Variants in ANXA8 observed in about 807,000 individuals in gnomAD.
ANXA8 encodes the protein VAC-beta.
A neutral mutation model predicts 26.8 loss-of-function variants in ANXA8; 9 were observed. The ratio of observed to expected loss-of-function variants is 0.34; its 90% CI spans 0.20 to 0.59. The LOEUF is 0.59. Among genes scored for constraint, ANXA8 ranks in the 20% least tolerant of loss-of-function variants. ANXA8 has a pLI of 0.84. For missense variants in ANXA8, 83 were observed against 238.5 expected (o/e 0.35, Z 4.29); for synonymous variants, 39 against 94.8 (o/e 0.41, Z 3.42).
chr10:47,980,580 T>C, the ANXA8 span, among the ~76,000 whole-genome samples: 2 of 151,274 alleles, frequency 1.3e-5, no homozygotes, highest in Admixed American at 6.6e-5. Flanking sequence ...AATTATTAAA[T>C]TATTAATGTA....
chr10:47,468,782 C>A lies in ANXA8; in HGVS notation c.*65G>T, dbSNP rs1286654904. 3,326 of 1,592,392 alleles carry A rather than the reference C, an allele frequency of 2.1e-3. 77 individuals carry two copies. In the East Asian group the frequency reaches 0.052, roughly 25 times the overall value. On this transcript the variant is annotated 3_prime_UTR_variant, in exon 12 of 12. Transcript: ENST00000585281. ...CCTCACACCCAACCTGCGTCCATGG[C>A]CGAGGTTGAGTGAGGAGTCCTGGAG...
chr10:47,650,529 A>G, the ANXA8 span, among the ~76,000 whole-genome samples: 2 of 151,166 alleles, frequency 1.3e-5, no homozygotes, highest in Non-Finnish European at 2.9e-5. Flanking sequence ...TGGGCAGGCC[A>G]GGTGTGGTGG....
chr10:47,567,609 CGTTCCCTCTGTCCCCACCCACT>C, the ANXA8 span, among the ~76,000 whole-genome samples: 1 of 151,892 alleles, frequency 6.6e-6, no homozygotes, highest in Non-Finnish European at 1.5e-5. Context: ...GTCCTGTTCC[CGTTCCCTCTGTCCCCACCCACT>C]CTTGTTCCCC....
the ANXA8 span, among the ~76,000 whole-genome samples, chr10:47,514,205 G>GC: frequency 6.8e-6 from 1 of 146,558 alleles, no homozygotes; most frequent in South Asian, 2.1e-4. Flanking sequence ...CAGCCCAAAT[G>GC]CCCATCAGTC....
At chr10:47,651,146 G>A in the ANXA8 span, among the ~76,000 whole-genome samples, 1 of 151,440 alleles carries the variant, frequency 6.6e-6, no homozygotes. Flanking sequence ...GCTGCAGTGA[G>A]CAGTGATGGT....
the ANXA8 span, among the ~76,000 whole-genome samples, chr10:47,663,383 A>T: frequency 1.5e-5 from 2 of 131,448 alleles, no homozygotes; most frequent in Non-Finnish European, 3.1e-5. Context: ...CATTATAGTT[A>T]AAAAAAATTT....
chr10:47,578,310 G>A, the ANXA8 span, among the ~76,000 whole-genome samples: 1 of 43,908 alleles, frequency 2.3e-5, no homozygotes, highest in East Asian at 2.8e-4. Flanking sequence ...AGCAAGACTC[G>A]GGCTAAAAAA....
At chr10:47,682,762 A>C in the ANXA8 span, among the ~76,000 whole-genome samples, 1 of 152,020 alleles carries the variant, frequency 6.6e-6, no homozygotes, top group African/African-American at 2.4e-5. Flanking sequence ...GACCCACTGC[A>C]CCTGGCCTCA....
the ANXA8 span, among the ~76,000 whole-genome samples, chr10:47,667,711 C>T: frequency 2.0e-5 from 3 of 151,074 alleles, no homozygotes; most frequent in African/African-American, 7.4e-5. Flanking sequence ...CATCACCACG[C>T]CAAGCCAATT....
chr10:47,540,361 A>G, the ANXA8 span, among the ~76,000 whole-genome samples: 6 of 106,658 alleles, frequency 5.6e-5, 1 homozygote, highest in African/African-American at 2.1e-4. Flanking sequence ...AAGAGTTAAT[A>G]AGGAAACTGA....
the ANXA8 span, among the ~76,000 whole-genome samples, chr10:47,744,410 G>GGGGGGGGGGGGGGGGGGGGGA: frequency 1.9e-5 from 1 of 53,634 alleles, no homozygotes; most frequent in Non-Finnish European, 4.1e-5. Flanking sequence ...AAGGCTCCTG[G>GGGGGGGGGGGGGGGGGGGGGA]TGGGGGGGGG....
the ANXA8 span, among the ~76,000 whole-genome samples, chr10:47,572,339 T>TA: frequency 1.4e-5 from 2 of 146,272 alleles, no homozygotes. Context: ...TTTCATCTCC[T>TA]ACTCTATAGT....
At chr10:47,683,131 A>G in the ANXA8 span, among the ~76,000 whole-genome samples, 1 of 151,718 alleles carries the variant, frequency 6.6e-6, no homozygotes, top group Non-Finnish European at 1.5e-5. Flanking sequence ...GTTTCTGAGG[A>G]AAAAAATCAT....
chr10:47,743,149 A>C, the ANXA8 span, among the ~76,000 whole-genome samples: 36 of 132,800 alleles, frequency 2.7e-4, no homozygotes, highest in African/African-American at 7.1e-4. Context: ...CCAGCCTGGG[A>C]GACAGAGCAA....
the ANXA8 span, chr10:47,986,998 A>C: frequency 1.9e-6 from 1 of 539,980 alleles, no homozygotes; most frequent in Non-Finnish European, 3.6e-6. Context: ...TTCCCAGCTG[A>C]TGTGAACACA....
the ANXA8 span, chr10:47,496,072 A>G: frequency 6.6e-6 from 1 of 151,982 alleles, no homozygotes; most frequent in Non-Finnish European, 1.5e-5. Context: ...ATCTTCCTGA[A>G]GCCGAGTAGG....
At chr10:47,984,799 G>A in the ANXA8 span, among the ~76,000 whole-genome samples, 1 of 141,080 alleles carries the variant, frequency 7.1e-6, no homozygotes, top group Admixed American at 7.1e-5. Flanking sequence ...CTGAATATTG[G>A]CATAGATGTG....
the ANXA8 span, among the ~76,000 whole-genome samples, chr10:47,581,956 TCAGA>T: frequency 6.7e-6 from 1 of 150,064 alleles, no homozygotes; most frequent in Non-Finnish European, 1.5e-5. Context: ...AAGTGAATCT[TCAGA>T]CAGAGATGTA....
chr10:47,653,311 C>CA, the ANXA8 span, among the ~76,000 whole-genome samples: 2 of 149,062 alleles, frequency 1.3e-5, no homozygotes, highest in African/African-American at 5.1e-5. Context: ...GACTCAGTCT[C>CA]AAAAAAACAA....
Sources: gnomAD v4.1 joint callset for allele counts (sites outside exome capture counted in the v4.1 genomes callset) on GRCh38, gnomAD v4.1.1 for gene constraint, MANE v1.5 for transcripts, NCBI Gene and HGNC (gene_info 2026-07-23, HGNC 2026-07-21) for gene names.